FSAF1: variants seen among roughly 807,000 people sequenced by gnomAD.
FSAF1 encodes uncharacterized protein C1orf131.
the FSAF1 span, chr1:231,241,129 AATCAAC>A: frequency 6.2e-7 from 1 of 1,612,472 alleles, no homozygotes; most frequent in Non-Finnish European, 8.5e-7. Context: ...TCAGCCGAGG[AATCAAC>A]CCTCATTCTG....
the FSAF1 span, among the ~76,000 whole-genome samples, chr1:231,233,351 C>T: frequency 0.035 from 5,385 of 152,244 alleles, 141 homozygotes; most frequent in Middle Eastern, 0.085. Context: ...GCACTTACTT[C>T]AGCTCCATAA....
chr1:231,238,472 A>G, the FSAF1 span: 1 of 174,078 alleles, frequency 5.7e-6, no homozygotes, highest in Non-Finnish European at 1.2e-5. Context: ...CATTCCCAAG[A>G]AAGTCCTATT....
At chr1:231,225,603 A>C in the FSAF1 span, 1 of 1,251,622 alleles carries the variant, frequency 8.0e-7, no homozygotes, top group South Asian at 1.2e-5. Flanking sequence ...TTTGTGACCA[A>C]AAGTCATTGA....
chr1:231,235,712 A>G, the FSAF1 span, among the ~76,000 whole-genome samples: 1 of 152,178 alleles, frequency 6.6e-6, no homozygotes, highest in African/African-American at 2.4e-5. Flanking sequence ...CTGAGGCAGG[A>G]GGATGGCTTG....
chr1:231,227,258 T>A, the FSAF1 span, among the ~76,000 whole-genome samples: 31 of 152,184 alleles, frequency 2.0e-4, no homozygotes, highest in African/African-American at 7.0e-4. Context: ...TCTCACAACA[T>A]CTTTCTCCTG....
At chr1:231,224,244 G>A in the FSAF1 span, 1 of 1,593,872 alleles carries the variant, frequency 6.3e-7, no homozygotes, top group African/African-American at 1.3e-5. Context: ...AGTTGACTCA[G>A]TTGTTCCCAT....
the FSAF1 span, among the ~76,000 whole-genome samples, chr1:231,230,135 A>T: frequency 6.6e-6 from 1 of 152,200 alleles, no homozygotes; most frequent in African/African-American, 2.4e-5. Flanking sequence ...CAGAAGAAAA[A>T]TGGAGACAAT....
At chr1:231,226,584 A>T in the FSAF1 span, 1 of 704,184 alleles carries the variant, frequency 1.4e-6, no homozygotes, top group South Asian at 1.7e-5. Context: ...GGCTGGTATT[A>T]CTAAACAGAG....
the FSAF1 span, among the ~76,000 whole-genome samples, chr1:231,236,086 G>A: frequency 6.6e-6 from 1 of 152,142 alleles, no homozygotes; most frequent in African/African-American, 2.4e-5. Context: ...CTGTTTAACT[G>A]TCCTACAATG....
chr1:231,233,792 C>T, the FSAF1 span, among the ~76,000 whole-genome samples: 1 of 152,280 alleles, frequency 6.6e-6, no homozygotes, highest in Non-Finnish European at 1.5e-5. Flanking sequence ...ACCTTGTGAT[C>T]CGCCTGCCTC....
At chr1:231,226,946 T>C in the FSAF1 span, 7 of 1,613,002 alleles carry the variant, frequency 4.3e-6, no homozygotes, top group East Asian at 2.2e-5. Flanking sequence ...TGTTGTCTAG[T>C]GATGAAAGGT....
At chr1:231,238,776 G>T in the FSAF1 span, 1 of 1,348,312 alleles carries the variant, frequency 7.4e-7, no homozygotes, top group Non-Finnish European at 1.0e-6. Context: ...AGGCATTCCT[G>T]CCACAGTCTA....
chr1:231,229,368 GATGTAGAGAAACTGGAACCC>G, the FSAF1 span, among the ~76,000 whole-genome samples: 4 of 152,340 alleles, frequency 2.6e-5, no homozygotes, highest in East Asian at 1.9e-4. Context: ...TGTTGGCAAG[GATGTAGAGAAACTGGAACCC>G]ATGCTCTATA....
the FSAF1 span, among the ~76,000 whole-genome samples, chr1:231,232,311 C>G: frequency 6.6e-6 from 1 of 152,186 alleles, no homozygotes; most frequent in African/African-American, 2.4e-5. Context: ...TCCCCGTCTA[C>G]TTGATGCTAG....
the FSAF1 span, chr1:231,239,142 C>A: frequency 6.2e-7 from 1 of 1,600,344 alleles, no homozygotes; most frequent in Non-Finnish European, 8.5e-7. Flanking sequence ...TCTTGTTTTC[C>A]CTTTTCTTTA....
chr1:231,238,833 T>C, the FSAF1 span: 5 of 1,585,336 alleles, frequency 3.2e-6, no homozygotes, highest in Non-Finnish European at 4.3e-6. Context: ...TCACCACGTA[T>C]ATATAAGCTA....
At chr1:231,239,027 G>A in the FSAF1 span, 2 of 1,613,976 alleles carry the variant, frequency 1.2e-6, no homozygotes, top group Admixed American at 3.3e-5. Context: ...TCTTCTCTAA[G>A]TTCCTTGAAG....
At chr1:231,225,711 T>C in the FSAF1 span, 1 of 611,014 alleles carries the variant, frequency 1.6e-6, no homozygotes, top group South Asian at 2.0e-5. Context: ...AGGCTGGGCC[T>C]GGCGTGGTGG....
the FSAF1 span, among the ~76,000 whole-genome samples, chr1:231,234,132 A>G: frequency 7.2e-5 from 11 of 152,248 alleles, no homozygotes; most frequent in Admixed American, 2.6e-4. This position sits in a 1 kb window ranked among gnomAD's most constrained non-coding sequence, Gnocchi z 4.0. Flanking sequence ...TACACCCCCA[A>G]TAAATATTAG....
Sources: allele counts gnomAD v4.1 joint callset (sites outside exome capture counted in the v4.1 genomes callset), GRCh38; gene constraint gnomAD v4.1.1; non-coding constraint Gnocchi (gnomAD v3.1); transcripts MANE v1.5; gene names NCBI Gene and HGNC (gene_info 2026-07-23, HGNC 2026-07-21).